B3GALT1: variants seen among roughly 807,000 people sequenced by gnomAD.
B3GALT1 encodes the protein UDP-Gal:betaGlcNAc beta 1,3-galactosyltransferase, polypeptide 1.
A neutral mutation model predicts 23.2 loss-of-function variants in B3GALT1; 10 were observed. The ratio of observed to expected loss-of-function variants is 0.43; its 90% confidence interval spans 0.27 to 0.73. The LOEUF (loss-of-function observed/expected upper bound fraction) is 0.73, where lower values mean the gene tolerates loss of function less well. B3GALT1 is among the 30% of genes least tolerant of loss of function. The pLI is 0.21. For synonymous variants in B3GALT1, 156 were observed against 141.5 expected (o/e 1.10, Z -0.73); for missense variants, 299 against 405.4 (o/e 0.74, Z 2.25).
intron 2 of B3GALT1, among the ~76,000 whole-genome samples, chr2:167,613,041 G>A (rs1346960232): frequency 6.6e-6 from 1 of 151,884 alleles, no homozygotes; most frequent in Non-Finnish European, 1.5e-5. Context: ...CAAAAGAGGA[G>A]CAATGGGGAC....
chr2:167,811,796 A>G (rs1383378915), intron 3 of B3GALT1, among the ~76,000 whole-genome samples: 1 of 152,216 alleles, frequency 6.6e-6, no homozygotes, highest in Non-Finnish European at 1.5e-5. Context: ...TCCTGGATAT[A>G]TAATTCCTGG....
At chr2:167,447,859 A>T (rs1372576046) in intron 1 of B3GALT1, among the ~76,000 whole-genome samples, 1 of 152,058 alleles carries the variant, frequency 6.6e-6, no homozygotes, top group East Asian at 1.9e-4. Context: ...GGTGGGCTGC[A>T]TCCACTGTCT....
At chr2:167,454,916 A>G (rs1699146281) in intron 1 of B3GALT1, among the ~76,000 whole-genome samples, 1 of 152,214 alleles carries the variant, frequency 6.6e-6, no homozygotes, top group African/African-American at 2.4e-5. Flanking sequence ...CTGAGGATCC[A>G]GAAGTATATA....
chr2:167,783,861 T>C (rs1013055079), intron 3 of B3GALT1, among the ~76,000 whole-genome samples: 1 of 152,168 alleles, frequency 6.6e-6, no homozygotes, highest in Non-Finnish European at 1.5e-5. Flanking sequence ...TCTCATTAGA[T>C]TTGAAAGCCA....
At chr2:167,854,176 A>G (rs112398851) in intron 4 of B3GALT1, among the ~76,000 whole-genome samples, 1,733 of 152,296 alleles carry the variant, frequency 0.011, 28 homozygotes, top group African/African-American at 0.039. Context: ...TTTATGATTT[A>G]CCTCACAGCC....
At position 167,484,404 on chromosome 2, in the gene B3GALT1, A is replaced by G. The variant is rs987315631; in HGVS notation, c.-510-5773A>G. On this transcript the variant is annotated intron_variant, in intron 1 of 4. Coordinates refer to ENST00000392690, the MANE Select transcript of B3GALT1 (RefSeq NM_020981.4). The stretch of plus-strand genomic sequence containing the variant: ...AAGAAGTACTGAGAACGTGTGCCCA[A>G]GGTGGTTGGATTACAACTTGATTTT... Among the ~76,000 whole-genome samples the G allele has an allele frequency of 2.0e-5, 3 of 152,200 alleles. No individual in the cohort carries two copies. In the East Asian group the frequency reaches 5.8e-4, roughly 29 times the overall value.
Position 167,825,469 on chromosome 2 carries a change from T to TGCGCGCGC in B3GALT1, c.-230+6677_-230+6678insCGCGCGCG, listed in dbSNP as rs1212338242. On this transcript the variant is annotated intron_variant, in intron 4 of 4. Transcript: ENST00000392690. Reference sequence around the variant, plus strand: ...GTGTGTGTGTGTGCGTGCACGTGTGTGTGTGTGTTATATATAAATTATATA... The same window carrying TGCGCGCGC: ...GTGTGTGTGTGTGCGTGCACGTGTGTGCGCGCGCGTGTGTGTTATATATAAATTATATA... 5.6e-3 allele frequency among the ~76,000 whole-genome samples: 807 copies of TGCGCGCGC among 143,976 alleles called. 8 individuals carry two copies. Among genetic ancestry groups the TGCGCGCGC allele is most frequent in the African/African-American group, 0.019 (766 of 39,744 alleles). 94.5% of individuals were successfully genotyped at this position (143,976 alleles called of 152,430 possible).
chr2:167,389,480 C>T (rs1486350409), intron 1 of B3GALT1, among the ~76,000 whole-genome samples: 2 of 151,982 alleles, frequency 1.3e-5, no homozygotes, highest in African/African-American at 4.8e-5. Flanking sequence ...TGGAGAATGC[C>T]TTCAATTACC....
At chr2:167,769,387 G>A (rs576689289) in intron 3 of B3GALT1, among the ~76,000 whole-genome samples, 34 of 152,076 alleles carry the variant, frequency 2.2e-4, no homozygotes, top group Non-Finnish European at 8.8e-5. Flanking sequence ...TTCTTTTTTC[G>A]GTACTTTGAA....
Position 167,354,604 on chromosome 2 carries a change from C to T in B3GALT1, c.-511+61270C>T, listed in dbSNP as rs142491574. Among the ~76,000 whole-genome samples the T allele has an allele frequency of 1.1e-3, 175 of 152,260 alleles. 1 individual carries two copies. The East Asian group carries it at 0.018, about 16-fold the overall frequency. Reference sequence around the variant, plus strand: ...TCGTGATCCACCCGCCTCGGCCTCCCAAAGTGCTGGGATTACAGGCGTGAG... The same window carrying T: ...TCGTGATCCACCCGCCTCGGCCTCCTAAAGTGCTGGGATTACAGGCGTGAG... On this transcript the variant is annotated intron_variant, in intron 1 of 4. Transcript: ENST00000392690.
At chr2:167,867,134 G>T (rs191385403) in intron 4 of B3GALT1, among the ~76,000 whole-genome samples, 1 of 152,090 alleles carries the variant, frequency 6.6e-6, no homozygotes. Context: ...CACCGTTTTA[G>T]CCAGGATGGT....
intron 1 of B3GALT1, among the ~76,000 whole-genome samples, chr2:167,313,728 G>A (rs1203197068): frequency 6.6e-6 from 1 of 152,132 alleles, no homozygotes; most frequent in East Asian, 1.9e-4. Context: ...CTGTTAATGA[G>A]TTAGGTTCTC....
chr2:167,387,134 A>G (rs964733286), intron 1 of B3GALT1, among the ~76,000 whole-genome samples: 1 of 152,218 alleles, frequency 6.6e-6, no homozygotes, highest in Non-Finnish European at 1.5e-5. Flanking sequence ...TAATTCTGCC[A>G]AGAGAGGGCA....
At chr2:167,568,386 T>G (rs1684217848) in intron 2 of B3GALT1, among the ~76,000 whole-genome samples, 1 of 152,094 alleles carries the variant, frequency 6.6e-6, no homozygotes, top group African/African-American at 2.4e-5. Context: ...TTGCTCCATA[T>G]CCTCATCAGC....
intron 2 of B3GALT1, among the ~76,000 whole-genome samples, chr2:167,581,594 G>T (rs1349263554): frequency 6.6e-6 from 1 of 152,170 alleles, no homozygotes; most frequent in African/African-American, 2.4e-5. Flanking sequence ...AGTGTTTTCT[G>T]ATTCCAGCTC....
At chr2:167,296,551 G>A (rs1016071563) in intron 1 of B3GALT1, among the ~76,000 whole-genome samples, 8 of 151,992 alleles carry the variant, frequency 5.3e-5, no homozygotes, top group African/African-American at 1.7e-4. Context: ...AAGGAATTTC[G>A]CCATGCTGCA....
At chr2:167,806,258 A>C (rs1032982267) in intron 3 of B3GALT1, among the ~76,000 whole-genome samples, 2 of 152,198 alleles carry the variant, frequency 1.3e-5, no homozygotes, top group African/African-American at 4.8e-5. Context: ...TAGACATACA[A>C]TCATGTCATC....
chr2:167,693,491 C>T (rs935206614), intron 3 of B3GALT1, among the ~76,000 whole-genome samples: 1 of 152,058 alleles, frequency 6.6e-6, no homozygotes, highest in Non-Finnish European at 1.5e-5. Flanking sequence ...ATGAGAGTGG[C>T]AAACACTGTC....
intron 1 of B3GALT1, among the ~76,000 whole-genome samples, chr2:167,410,377 G>A (rs1272884204): frequency 1.3e-5 from 2 of 151,916 alleles, no homozygotes; most frequent in African/African-American, 4.8e-5. Flanking sequence ...TGTAGTCACA[G>A]CTACTCGGGA....
Sources: gnomAD v4.1 joint callset for allele counts (sites outside exome capture counted in the v4.1 genomes callset) on GRCh38, gnomAD v4.1.1 for gene constraint, MANE v1.5 for transcripts, NCBI Gene and HGNC (gene_info 2026-07-23, HGNC 2026-07-21) for gene names.